Variants in ATP13A4 observed in about 807,000 individuals in gnomAD.
ATP13A4 encodes the protein probable cation-transporting ATPase 13A4.
Under a neutral mutation model 142.5 loss-of-function variants are expected in ATP13A4, and 114 were observed. The ratio of observed to expected loss-of-function variants is 0.80; its 90% CI spans 0.69 to 0.93. The LOEUF (loss-of-function observed/expected upper bound fraction) is 0.93. ATP13A4 is among the 40% of genes least tolerant of loss of function. The pLI, the probability that ATP13A4 is intolerant of heterozygous loss-of-function variation, is 0.00. For missense variants in ATP13A4, 1,392 were observed against 1,454.0 expected (o/e 0.96, Z 0.69); for synonymous variants, 488 against 514.8 (o/e 0.95, Z 0.70).
In ATP13A4 at chr3:193,474,047, C is replaced by T. The variant is rs117482496; in HGVS notation, c.809-3054G>A. Among the ~76,000 whole-genome samples, 490 of 152,104 alleles carry T rather than the reference C, an allele frequency of 3.2e-3. 17 individuals are homozygous for T. In the East Asian group the frequency reaches 0.059, roughly 18 times the overall value. Reference sequence around the variant, plus strand: ...AGAAATACACAGTAGAGGCCAGGCGCGGTGGCTCACACCTGTAATCCTAGC... The same window carrying T: ...AGAAATACACAGTAGAGGCCAGGCGTGGTGGCTCACACCTGTAATCCTAGC... On this transcript the variant is annotated intron_variant, in intron 8 of 29. Coordinates refer to ENST00000342695, the MANE Select transcript of ATP13A4 (RefSeq NM_032279.4).
chr3:193,575,830 TAG>T (rs1409135229), intron 2 of ATP13A4, among the ~76,000 whole-genome samples: 2 of 152,348 alleles, frequency 1.3e-5, no homozygotes, highest in African/African-American at 4.8e-5. Context: ...GTTGACTTGG[TAG>T]AGAAGAAGGA....
rs1334200237 is a variant in ATP13A4, at chr3:193,402,476, A to G, written c.*176T>C. On this transcript the variant is annotated 3_prime_UTR_variant, in exon 30 of 30. Transcript: ENST00000342695. ...CAAGAGGAAAGCACTCTTCTGGGTCAATGTTCTTCTCTGTAGACAGTATTT... is the reference window on the plus strand; with the variant it reads ...CAAGAGGAAAGCACTCTTCTGGGTCGATGTTCTTCTCTGTAGACAGTATTT... 3 of 597,606 alleles carry G rather than the reference A, an allele frequency of 5.0e-6. No individual in the cohort carries two copies. Among genetic ancestry groups the G allele is most frequent in the Admixed American group, 2.8e-5 (1 of 35,740 alleles). 37.0% of individuals were successfully genotyped at this position (597,606 alleles called of 1,614,324 possible). A position where few individuals can be genotyped will look rare whatever the true frequency, so the allele number is the denominator to read the frequency against.
intron 1 of ATP13A4, among the ~76,000 whole-genome samples, chr3:193,530,671 T>G (rs1034541037): frequency 1.4e-4 from 22 of 152,202 alleles, no homozygotes; most frequent in African/African-American, 4.1e-4. Context: ...CGCAGAGTGA[T>G]CTTCCTAAAA....
intron 1 of ATP13A4, among the ~76,000 whole-genome samples, chr3:193,535,219 T>G (rs144423194): frequency 5.9e-5 from 9 of 152,250 alleles, no homozygotes; most frequent in East Asian, 3.9e-4. Flanking sequence ...TAGCCAACAA[T>G]AACAGAACAT....
chr3:193,428,429 T>A (rs890138374), intron 25 of ATP13A4, among the ~76,000 whole-genome samples: 2 of 152,094 alleles, frequency 1.3e-5, no homozygotes, highest in African/African-American at 4.8e-5. Flanking sequence ...GACCCAGCCA[T>A]CCCATTACTG....
rs1437360367 is a variant in ATP13A4 at position 193,489,784 on chromosome 3, G to C, written c.684C>G (p.Ala228=). Residue 228 remains alanine (A), a synonymous_variant, in exon 7 of 30, where the codon GCC becomes GCG. Coordinates refer to ENST00000342695, the MANE Select transcript of ATP13A4 (RefSeq NM_032279.4). ...FSEDYKEYAF[A]IIIMSIISIS... ...TGGAAATTATGGACATGATTATGAT[G>C]GCAAAAGCATATTCCTTATAGTCTT... 6.2e-7 allele frequency: 1 copy of C among 1,610,404 alleles called. No homozygotes were observed. The highest frequency in any genetic ancestry group is 1.7e-5 in the Admixed American group (1 of 59,986).
chr3:193,403,782 T>C (rs1458153060), intron 29 of ATP13A4: 2 of 985,188 alleles, frequency 2.0e-6, no homozygotes, highest in Non-Finnish European at 2.4e-6. Context: ...AGATTGACCA[T>C]CTTAGAGGTT....
At chr3:193,460,579 A>G (rs943451524) in intron 13 of ATP13A4, among the ~76,000 whole-genome samples, 4 of 152,220 alleles carry the variant, frequency 2.6e-5, no homozygotes, top group Non-Finnish European at 5.9e-5. Flanking sequence ...CACATACCCA[A>G]TGGTATTTTA....
chr3:193,486,312 T>C (rs1183337364), intron 7 of ATP13A4, among the ~76,000 whole-genome samples: 1 of 152,150 alleles, frequency 6.6e-6, no homozygotes. Flanking sequence ...ATTTTAGTGA[T>C]AAAAGCATGT....
chr3:193,502,660 AC>A (rs760187093), intron 2 of ATP13A4, 21 bp from the exon 3 acceptor site: 1 of 1,612,086 alleles, frequency 6.2e-7, no homozygotes, highest in Non-Finnish European at 8.5e-7. Context: ...AGACATCAAA[AC>A]CCCCAAGAAG....
At chr3:193,496,786 G>C (rs977539331) in intron 3 of ATP13A4, among the ~76,000 whole-genome samples, 1 of 148,818 alleles carries the variant, frequency 6.7e-6, no homozygotes, top group Admixed American at 6.8e-5. Context: ...GCACGACTCT[G>C]TCTCAAAATA....
chr3:193,419,612 G>A (rs1432803611), intron 25 of ATP13A4, among the ~76,000 whole-genome samples: 1 of 147,850 alleles, frequency 6.8e-6, no homozygotes, highest in Non-Finnish European at 1.5e-5. Context: ...TGCCTCCCAA[G>A]GAATCAATGC....
intron 9 of ATP13A4, among the ~76,000 whole-genome samples, chr3:193,467,827 G>T (rs191884497): frequency 6.6e-6 from 1 of 152,100 alleles, no homozygotes; most frequent in South Asian, 2.1e-4. Context: ...ATAAAGGGCC[G>T]TGAGAGCTAT....
intron 14 of ATP13A4, 39 bp downstream of exon 14, chr3:193,459,042 G>A: frequency 6.2e-7 from 1 of 1,612,416 alleles, no homozygotes; most frequent in Non-Finnish European, 8.5e-7. Flanking sequence ...CTCTGGCATT[G>A]AAGAAGCTTC....
chr3:193,497,050 C>T (rs1380763398), intron 3 of ATP13A4, among the ~76,000 whole-genome samples: 1 of 151,828 alleles, frequency 6.6e-6, no homozygotes, highest in African/African-American at 2.4e-5. Context: ...CAAGCTACCC[C>T]AAAACAAAAA....
At chr3:193,440,529 C>A in intron 21 of ATP13A4, 29 bp downstream of exon 21, 2 of 1,613,392 alleles carry the variant, frequency 1.2e-6, no homozygotes, top group South Asian at 2.2e-5. Context: ...CCATGCAGTT[C>A]ATGCCACCTG....
chr3:193,461,339 C>T (rs1234046320), intron 13 of ATP13A4, among the ~76,000 whole-genome samples: 3 of 152,114 alleles, frequency 2.0e-5, no homozygotes, highest in Admixed American at 2.0e-4. Context: ...ACTTAGGATG[C>T]AAATCTAAAT....
In ATP13A4 at chr3:193,417,700, A is replaced by ATAAAT. The variant is rs1361802616; in HGVS notation, c.2843-2951_2843-2950insATTTA. 1.8e-4 allele frequency among the ~76,000 whole-genome samples: 25 copies of ATAAAT among 139,252 alleles called. No individual in the cohort carries two copies. The East Asian group carries it at 1.9e-3, about 10-fold the overall frequency. The allele number at this position is 139,252 out of a possible 152,430, so 91.4% of individuals were successfully genotyped here. ...ACCCAGAGACATTAGACAAAAAAGAAATTGGCCAGGCGCGGTGGCTCATGC... is the reference window on the plus strand; with the variant it reads ...ACCCAGAGACATTAGACAAAAAAGAATAAATATTGGCCAGGCGCGGTGGCTCATGC... On this transcript the variant is annotated intron_variant, in intron 25 of 29. Coordinates refer to ENST00000342695, the MANE Select transcript of ATP13A4 (RefSeq NM_032279.4).
At chr3:193,507,177 T>G (rs1201361792) in intron 2 of ATP13A4, among the ~76,000 whole-genome samples, 1 of 152,188 alleles carries the variant, frequency 6.6e-6, no homozygotes, top group African/African-American at 2.4e-5. Flanking sequence ...TGGAGATGGA[T>G]ACATTGCAAT....
Sources: allele counts gnomAD v4.1 joint callset (sites outside exome capture counted in the v4.1 genomes callset), GRCh38; gene constraint gnomAD v4.1.1; transcripts MANE v1.5; gene names NCBI Gene and HGNC (gene_info 2026-07-23, HGNC 2026-07-21).